SCLT1: variants seen among roughly 807,000 people sequenced by gnomAD.
The protein encoded by SCLT1 is sodium channel and clathrin linker 1.
A neutral mutation model predicts 112.8 loss-of-function variants in SCLT1; 78 were observed. The ratio of observed to expected loss-of-function variants is 0.69; its 90% CI spans 0.58 to 0.83. The LOEUF (loss-of-function observed/expected upper bound fraction) is 0.83, where lower values mean the gene tolerates loss of function less well. Ranked by LOEUF, SCLT1 falls within the 40% of genes least tolerant of loss-of-function variation. The pLI is 0.00. For missense variants in SCLT1, 747 were observed against 770.4 expected, an observed-to-expected ratio of 0.97 and a Z score of 0.36; for synonymous variants, 257 against 254.7, an observed-to-expected ratio of 1.01 and a Z score of -0.09.
chr4:129,084,959 A>G (rs1273187741), intron 1 of SCLT1, among the ~76,000 whole-genome samples: 1 of 152,234 alleles, frequency 6.6e-6, no homozygotes, highest in African/African-American at 2.4e-5. Flanking sequence ...ACACAGGAGT[A>G]GGCAAAGGTT....
At chr4:129,059,034 T>C (rs918431434) in intron 2 of SCLT1, among the ~76,000 whole-genome samples, 1 of 152,162 alleles carries the variant, frequency 6.6e-6, no homozygotes, top group Non-Finnish European at 1.5e-5. Context: ...CATTATACAA[T>C]GACTTTGTGT....
Position 128,956,952 on chromosome 4 carries a change from C to A in SCLT1, c.1146+74G>T, listed in dbSNP as rs1321314649. 5.2e-6 allele frequency: 4 copies of A among 765,012 alleles called. No individual in the cohort carries two copies. The African/African-American group carries it at 5.5e-5, about 10-fold the overall frequency. 47.4% of individuals were successfully genotyped at this position (765,012 alleles called of 1,614,324 possible). Reference sequence around the variant, plus strand: ...AGGCAAGTATTTTAATTTTAATTTACAAATATTTAGGTAGAATTTAGTCTT... The same window carrying A: ...AGGCAAGTATTTTAATTTTAATTTAAAAATATTTAGGTAGAATTTAGTCTT... On this transcript the variant is annotated intron_variant, in intron 13 of 20. Coordinates refer to ENST00000281142, the MANE Select transcript of SCLT1 (RefSeq NM_144643.4).
intron 5 of SCLT1, among the ~76,000 whole-genome samples, chr4:129,024,839 C>T (rs1745875082): frequency 1.3e-5 from 2 of 151,970 alleles, no homozygotes; most frequent in African/African-American, 4.8e-5. Flanking sequence ...ATAACCAATA[C>T]AGAGAAGTGC....
In SCLT1 at chr4:128,914,359, G is replaced by A. The variant is rs369412771; in HGVS notation, c.1829+22296C>T. ...AGCCTGGGCGAAAGAGCGAAACTCCGTCTCAAAAAAAAAAAGAAACTAGTA... is the reference window on the plus strand; with the variant it reads ...AGCCTGGGCGAAAGAGCGAAACTCCATCTCAAAAAAAAAAAGAAACTAGTA... On this transcript the variant is annotated intron_variant, in intron 18 of 20. Coordinates refer to ENST00000281142, the MANE Select transcript of SCLT1 (RefSeq NM_144643.4). Among the ~76,000 whole-genome samples the A allele has an allele frequency of 6.4e-4, 96 of 149,914 alleles. No individual in the cohort carries two copies. The South Asian group carries it at 0.014, about 22-fold the overall frequency.
At chr4:128,931,402 C>T (rs114794019) in intron 18 of SCLT1, among the ~76,000 whole-genome samples, 1,762 of 152,124 alleles carry the variant, frequency 0.012, 23 homozygotes, top group Middle Eastern at 0.02. Context: ...AGATTTGTTG[C>T]CTCTTAGAAG....
At chr4:128,889,982 CTTA>C (rs1733186589) in intron 19 of SCLT1, among the ~76,000 whole-genome samples, 1 of 152,076 alleles carries the variant, frequency 6.6e-6, no homozygotes, top group Admixed American at 6.6e-5. Context: ...TATTATATTT[CTTA>C]TTATGCCCAA....
intron 13 of SCLT1, among the ~76,000 whole-genome samples, chr4:128,953,803 AAAAAAAAC>A (rs1420477965): frequency 7.2e-6 from 1 of 139,054 alleles, no homozygotes; most frequent in Non-Finnish European, 1.6e-5. Flanking sequence ...CATCTCAAAA[AAAAAAAAC>A]AAAAAAACAA....
chr4:129,010,834 A>C (rs1744455248), intron 5 of SCLT1, among the ~76,000 whole-genome samples: 1 of 152,124 alleles, frequency 6.6e-6, no homozygotes, highest in Non-Finnish European at 1.5e-5. Flanking sequence ...CAAGACTATG[A>C]AGTTTTATAG....
intron 11 of SCLT1, among the ~76,000 whole-genome samples, chr4:128,961,291 C>T (rs1481278681): frequency 6.6e-6 from 1 of 152,034 alleles, no homozygotes; most frequent in Non-Finnish European, 1.5e-5. Context: ...AAGTTCCAGA[C>T]TAATGGCCAG....
intron 5 of SCLT1, among the ~76,000 whole-genome samples, chr4:129,033,502 T>TAAAAAAAAAAA (rs56325033): frequency 4.3e-4 from 19 of 44,312 alleles, no homozygotes; most frequent in Middle Eastern, 0.026. Context: ...GAACTTAAAG[T>TAAAAAAAAAAA]AAAAAAAAAA....
chr4:128,941,324 T>C (rs1048557364), intron 17 of SCLT1, among the ~76,000 whole-genome samples: 2 of 152,124 alleles, frequency 1.3e-5, no homozygotes, highest in South Asian at 2.1e-4. Flanking sequence ...ATACTTGATA[T>C]TTTTAGTCTT....
intron 2 of SCLT1, among the ~76,000 whole-genome samples, chr4:129,071,424 G>A (rs1300687461): frequency 1.3e-5 from 2 of 152,088 alleles, no homozygotes; most frequent in Non-Finnish European, 2.9e-5. Flanking sequence ...CACTTGTTAG[G>A]TCTATTGGTA....
chr4:128,921,437 GT>G (rs768701543), intron 18 of SCLT1, among the ~76,000 whole-genome samples: 13 of 152,048 alleles, frequency 8.5e-5, no homozygotes, highest in Non-Finnish European at 1.5e-4. Flanking sequence ...AAACAGCATG[GT>G]ACTGGTAAAA....
chr4:128,952,698 C>T, intron 14 of SCLT1, 71 bp downstream of exon 14: 2 of 875,994 alleles, frequency 2.3e-6, no homozygotes, highest in Non-Finnish European at 3.9e-6. Context: ...TGAATGAATC[C>T]CCAATAGTAT....
At chr4:128,896,430 C>T (rs936306473) in intron 18 of SCLT1, among the ~76,000 whole-genome samples, 5 of 152,182 alleles carry the variant, frequency 3.3e-5, no homozygotes, top group Admixed American at 6.5e-5. Flanking sequence ...GAGTGGACCT[C>T]CAGCAAACTC....
chr4:128,966,540 C>G (rs1579534539), intron 10 of SCLT1, among the ~76,000 whole-genome samples: 1 of 152,236 alleles, frequency 6.6e-6, no homozygotes, highest in East Asian at 1.9e-4. Context: ...AAGCAGCCAT[C>G]TTTTAAAGAT....
intron 7 of SCLT1, 141 bp from the exon 8 acceptor site, chr4:128,998,080 GAATTAGTAGTTGAAAAACT>G (rs1231300596): frequency 9.9e-6 from 4 of 404,206 alleles, no homozygotes; most frequent in African/African-American, 8.3e-5. Context: ...ACTATTGTGT[GAATTAGTAGTTGAAAAACT>G]AAGAAATTTT....
At chr4:128,884,655 G>A (rs989896951) in intron 20 of SCLT1, 116 bp from the exon 21 acceptor site, 10 of 678,532 alleles carry the variant, frequency 1.5e-5, no homozygotes, top group Non-Finnish European at 2.6e-5. Context: ...ATTGGAAAGG[G>A]TTTTGTAAAT....
At chr4:129,038,934 G>A (rs894995724) in intron 5 of SCLT1, 107 bp downstream of exon 5, 2 of 730,970 alleles carry the variant, frequency 2.7e-6, no homozygotes, top group Non-Finnish European at 4.8e-6. Flanking sequence ...CAGCCCCGGG[G>A]TCCACATTCT....
Sources: allele counts gnomAD v4.1 joint callset (sites outside exome capture counted in the v4.1 genomes callset), GRCh38; gene constraint gnomAD v4.1.1; transcripts MANE v1.5; gene names NCBI Gene and HGNC (gene_info 2026-07-23, HGNC 2026-07-21).